The following ATP13A1 variants were observed in gnomAD, a reference collection of about 807,000 sequenced individuals.
ATP13A1 encodes the protein ATPase 13A1, also known as endoplasmic reticulum transmembrane helix translocase.
ATP13A1 carries 55 observed loss-of-function variants against 134.8 expected under a neutral mutation model. The observed-to-expected ratio is 0.41, with a 90% CI of 0.33 to 0.51. The LOEUF (loss-of-function observed/expected upper bound fraction) is 0.51, where lower values mean the gene tolerates loss of function less well. Among genes scored for constraint, ATP13A1 ranks in the 20% least tolerant of loss-of-function variants. The probability of loss-of-function intolerance (pLI) is 0.29; values close to 1 mark genes in which losing one functional copy is unlikely to be tolerated. For missense variants in ATP13A1, 1,389 were observed against 1,652.8 expected (o/e 0.84, Z 2.77); for synonymous variants, 775 against 725.1 (o/e 1.07, Z -1.10).
rs1249826410 is a variant in ATP13A1 at position 19,647,240 on chromosome 19, C to T, written c.2994G>A (p.Leu998=). The stretch of plus-strand genomic sequence containing the variant: ...GGTAGAGGACGCTCTGGCTGTAGGC[C>T]AGGATGAGGGCATTGAGCGCCAGGA... ...FKILALNALI[L]AYSQSVLYLE... The change falls in exon 22 of 26, where the codon CTG becomes CTA. Residue 998 remains leucine, a synonymous_variant. Transcript: ENST00000357324. The surrounding 1 kb of genome is among the most constrained non-coding windows in gnomAD (Gnocchi z 4.8). 9.9e-6 allele frequency: 16 copies of T among 1,613,918 alleles called. No homozygotes were observed. The highest frequency in any genetic ancestry group is 1.4e-5 in the Non-Finnish European group (16 of 1,179,878).
At chr19:19,663,135 T>C in intron 1 of ATP13A1, 136 bp downstream of exon 1, 2 of 1,291,160 alleles carry the variant, frequency 1.5e-6, no homozygotes, top group Non-Finnish European at 2.2e-6. Context: ...CGCCAAAGTG[T>C]AGAGGGTGCC....
At chr19:19,646,584 C>T (rs888981001) in intron 22 of ATP13A1, 3 of 576,612 alleles carry the variant, frequency 5.2e-6, no homozygotes, top group Non-Finnish European at 9.3e-6. Flanking sequence ...ATGGCAGCCA[C>T]AGGGGCCTGA....
In ATP13A1 at chr19:19,656,219, C is replaced by A. The variant is rs771455357; in HGVS notation, c.1084-36G>T. On this transcript the variant is annotated intron_variant, in intron 7 of 25. Transcript: ENST00000357324. This position sits in a 1 kb window ranked among gnomAD's most constrained non-coding sequence, Gnocchi z 4.6. Reference sequence around the variant, plus strand: ...AGATCGTGAATCTGGATGGCCAGGCCTACCTTGCTTCCTTCTCCATCTGAG... The same window carrying A: ...AGATCGTGAATCTGGATGGCCAGGCATACCTTGCTTCCTTCTCCATCTGAG... The A allele has an allele frequency of 2.7e-5, 43 of 1,569,454 alleles. No homozygotes were observed. The highest frequency in any genetic ancestry group is 3.3e-5 in the Non-Finnish European group (38 of 1,156,270).
chr19:19,656,712 C>T lies in ATP13A1; in HGVS notation c.1031G>A (p.Arg344His), dbSNP rs377597721. Residue 344 changes from arginine to histidine, a missense_variant, in exon 7 of 26, where the codon CGC (arginine) becomes CAC (histidine). This residue lies in a region of ATP13A1 where 747 missense variants were observed against 956.1 expected (regional missense o/e 0.78). Coordinates refer to ENST00000357324, the MANE Select transcript of ATP13A1 (RefSeq NM_020410.3). This position sits in a 1 kb window ranked among gnomAD's most constrained non-coding sequence, Gnocchi z 4.6. Reference sequence around the variant, plus strand: ...GAGCATGGCCTCGTCTACGATGCAGCGGCCTCGCAGCAGAAGCACGTCACA... The same window carrying T: ...GAGCATGGCCTCGTCTACGATGCAGTGGCCTCGCAGCAGAAGCACGTCACA... ...VPCDVLLLRG[R>H]CIVDEAMLTG... 2 of 1,613,764 alleles carry T rather than the reference C, an allele frequency of 1.2e-6. No homozygotes were observed. Among genetic ancestry groups the T allele is most frequent in the Non-Finnish European group, 1.7e-6 (2 of 1,179,872 alleles).
chr19:19,663,657 C>A lies in ATP13A1; in HGVS notation c.10G>T (p.Ala4Ser). The A allele has an allele frequency of 7.8e-7, 1 of 1,287,060 alleles. No homozygotes were observed. The highest frequency in any genetic ancestry group is 9.8e-7 in the Non-Finnish European group (1 of 1,019,692). 79.7% of individuals were successfully genotyped at this position (1,287,060 alleles called of 1,614,324 possible). A position where few individuals can be genotyped will look rare whatever the true frequency, so the allele number is the denominator to read the frequency against. MAAAAAVGNAVPCG... is the reference protein window; with the variant it reads MAASAAVGNAVPCG... ...GGCACCGCGTTGCCCACCGCCGCCGCTGCCGCCATCTTTCCTAGCGCCGCG... is the reference window on the plus strand; with the variant it reads ...GGCACCGCGTTGCCCACCGCCGCCGATGCCGCCATCTTTCCTAGCGCCGCG... The change falls in exon 1 of 26, where the codon GCG (alanine) becomes TCG (serine). Residue 4 changes from alanine (A) to serine (S), a missense_variant. This residue lies in a region of ATP13A1 where 293 missense variants were observed against 270.8 expected (regional missense o/e 1.08). Transcript: ENST00000357324.
rs754533497 is a variant in ATP13A1 at position 19,653,931 on chromosome 19, G to A, written c.1990-37C>T. ...GCAGGGGGATGTCACGGGCTGCCCCGCGCCCCCACCCCTTGCCCCAGGCTG... is the reference window on the plus strand; with the variant it reads ...GCAGGGGGATGTCACGGGCTGCCCCACGCCCCCACCCCTTGCCCCAGGCTG... On this transcript the variant is annotated intron_variant, in intron 14 of 25. Coordinates refer to ENST00000357324, the MANE Select transcript of ATP13A1 (RefSeq NM_020410.3). This position sits in a 1 kb window ranked among gnomAD's most constrained non-coding sequence, Gnocchi z 4.2. 8.9e-6 allele frequency: 14 copies of A among 1,571,508 alleles called. No homozygotes were observed. The highest frequency in any genetic ancestry group is 4.7e-5 in the South Asian group (4 of 85,680).
At chr19:19,654,407 T>C in intron 13 of ATP13A1, 136 bp downstream of exon 13, 2 of 1,195,888 alleles carry the variant, frequency 1.7e-6, no homozygotes, top group Non-Finnish European at 2.3e-6. Context: ...AGTGAGCCTC[T>C]GGCCACCCAC....
intron 3 of ATP13A1, among the ~76,000 whole-genome samples, chr19:19,658,120 G>A (rs7253515): frequency 0.043 from 5,889 of 137,480 alleles, 443 homozygotes; most frequent in African/African-American, 0.15. Flanking sequence ...CTGCACTCCA[G>A]CCTGGGTAAC....
chr19:19,646,523 CCT>C (rs1235054435), intron 22 of ATP13A1, 176 bp from the exon 23 acceptor site: 16 of 786,806 alleles, frequency 2.0e-5, no homozygotes, highest in East Asian at 5.4e-5. Flanking sequence ...GCCTCTCACC[CCT>C]GAGCCCAGGG....
chr19:19,655,486 C>A lies in ATP13A1; in HGVS notation c.1397-33G>T, dbSNP rs200719216. ...GACAGGGCCTGCCAACCTGGAGCCT[C>A]GGAGGGTGGGCGCAGGGGACCACAG... On this transcript the variant is annotated intron_variant, in intron 10 of 25. Transcript: ENST00000357324. The surrounding 1 kb of genome is among the most constrained non-coding windows in gnomAD (Gnocchi z 5.7). The A allele has an allele frequency of 6.2e-7, 1 of 1,613,896 alleles. No homozygotes were observed. The highest frequency in any genetic ancestry group is 1.1e-5 in the South Asian group (1 of 91,080).
At chr19:19,651,458 G>A (rs905002341) in intron 17 of ATP13A1, 11 of 423,004 alleles carry the variant, frequency 2.6e-5, no homozygotes, top group African/African-American at 2.0e-4. Context: ...TCAGACTATC[G>A]CCTCATTATG....
In ATP13A1 at chr19:19,647,040, T is replaced by G; in HGVS notation, c.3105+89A>C. The G allele has an allele frequency of 7.1e-7, 1 of 1,398,766 alleles. No individual in the cohort carries two copies. Among genetic ancestry groups the G allele is most frequent in the Non-Finnish European group, 9.7e-7 (1 of 1,033,198 alleles). The allele number at this position is 1,398,766 out of a possible 1,614,324, so 86.6% of individuals were successfully genotyped here. A position where few individuals can be genotyped will look rare whatever the true frequency, so the allele number is the denominator to read the frequency against. On this transcript the variant is annotated intron_variant, in intron 22 of 25. Transcript: ENST00000357324. The surrounding 1 kb of genome is among the most constrained non-coding windows in gnomAD (Gnocchi z 4.8). ...CCCATCTCTGGGGCCCTGGGTCCTG[T>G]AACTTGGGGATGACAATTCCCGTGC...
rs1239443391 is a variant in ATP13A1, at chr19:19,647,150, G to A, written c.3084C>T (p.Phe1028=). The A allele has an allele frequency of 2.4e-5, 38 of 1,613,038 alleles. No individual in the cohort carries two copies. The highest frequency in any genetic ancestry group is 3.2e-5 in the Non-Finnish European group (38 of 1,179,474). The change falls in exon 22 of 26, where the codon TTC becomes TTT. Residue 1028 remains phenylalanine, a synonymous_variant. Coordinates refer to ENST00000357324, the MANE Select transcript of ATP13A1 (RefSeq NM_020410.3). This position sits in a 1 kb window ranked among gnomAD's most constrained non-coding sequence, Gnocchi z 4.8. ...CCACCTTGGAACGGGAGATGAAGAG[G>A]AAGCAGCCGGCCAGCAGCAGCCCCT... ...TLQGLLLAGC[F]LFISRSKPLK...
intron 22 of ATP13A1, chr19:19,646,704 G>T: frequency 2.5e-6 from 1 of 398,524 alleles, no homozygotes; most frequent in Non-Finnish European, 4.7e-6. Context: ...GTCAGCCCAT[G>T]CCTGTTTGGG....
chr19:19,654,212 ACCCCGG>A, intron 13 of ATP13A1, 68 bp from the exon 14 acceptor site: 1 of 1,451,004 alleles, frequency 6.9e-7, no homozygotes, highest in Non-Finnish European at 9.3e-7. Flanking sequence ...CCTACCTCTC[ACCCCGG>A]CCTCCCCCAC....
Position 19,645,955 on chromosome 19 carries a change from C to T in ATP13A1, c.3279G>A (p.Glu1093=). ...KQEQFVDLYK[E]FEPSLVNSTV... is the part of the protein sequence containing the mutation. Reference sequence around the variant, plus strand: ...TGCTGTTGACCAGGCTTGGCTCAAACTCCTTGTACAAGTCCACGAACTGCT... The same window carrying T: ...TGCTGTTGACCAGGCTTGGCTCAAATTCCTTGTACAAGTCCACGAACTGCT... The change falls in exon 24 of 26, where the codon GAG becomes GAA. Residue 1093 remains glutamate (E), a synonymous_variant. Coordinates refer to ENST00000357324, the MANE Select transcript of ATP13A1 (RefSeq NM_020410.3). This position sits in a 1 kb window ranked among gnomAD's most constrained non-coding sequence, Gnocchi z 4.1. 6.2e-7 allele frequency: 1 copy of T among 1,613,310 alleles called. No homozygotes were observed. Among genetic ancestry groups the T allele is most frequent in the Non-Finnish European group, 8.5e-7 (1 of 1,179,884 alleles).
Position 19,656,860 on chromosome 19 carries a change from G to C in ATP13A1, c.963C>G (p.Asp321Glu). Reference protein sequence around the residue: ...PIASDEIVPGDIVSIGRSPQE... With the variant: ...PIASDEIVPGEIVSIGRSPQE... ...ACCCGGCCTCACCGATGGAGACGAT[G>C]TCCCCTGGTACGATCTCATCACTGG... The change falls in exon 6 of 26, where the codon GAC becomes GAG. Residue 321 changes from aspartate (D) to glutamate (E), a missense_variant. Physicochemically the swap from Asp to Glu is conservative, Grantham distance 45. Coordinates refer to ENST00000357324, the MANE Select transcript of ATP13A1 (RefSeq NM_020410.3). The surrounding 1 kb of genome is among the most constrained non-coding windows in gnomAD (Gnocchi z 4.6). The C allele has an allele frequency of 6.2e-7, 1 of 1,612,598 alleles. No homozygotes were observed.
At position 19,645,861 on chromosome 19, in the gene ATP13A1, G is replaced by A. The variant is rs1453775292; in HGVS notation, c.3360+13C>T. 6.2e-7 allele frequency: 1 copy of A among 1,613,546 alleles called. No homozygotes were observed. The highest frequency in any genetic ancestry group is 8.5e-7 in the Non-Finnish European group (1 of 1,179,734). The stretch of plus-strand genomic sequence containing the variant: ...GGCAGACAGTGAATGTTTGGGCAGG[G>A]CCCAGGCCTTACTTTGTAATTGATG... On this transcript the variant is annotated intron_variant, in intron 24 of 25. Transcript: ENST00000357324. This position sits in a 1 kb window ranked among gnomAD's most constrained non-coding sequence, Gnocchi z 4.1.
In ATP13A1 at chr19:19,654,027, G is replaced by A. The variant is rs753496543; in HGVS notation, c.1931C>T (p.Ser644Phe). 2 of 1,598,640 alleles carry A rather than the reference G, an allele frequency of 1.3e-6. No homozygotes were observed. Among genetic ancestry groups the A allele is most frequent in the East Asian group, 2.3e-5 (1 of 44,258 alleles). The change falls in exon 14 of 26, where the codon TCC (serine) becomes TTC (phenylalanine). Residue 644 changes from serine (S) to phenylalanine (F), a missense_variant. Transcript: ENST00000357324. ...SVLASYEKLG[S>F]TDLCYIAAVK... ...GGCCGCGATGTAGCAGAGGTCGGTG[G>A]AGCCCAGCTTCTCATACGAGGCAAG... is the stretch of plus-strand genomic sequence containing the variant.
Sources: gnomAD v4.1 joint callset for allele counts (sites outside exome capture counted in the v4.1 genomes callset) on GRCh38, gnomAD v4.1.1 for gene constraint, gnomAD v4.1.1 regional missense constraint, Gnocchi (gnomAD v3.1) non-coding constraint, MANE v1.5 for transcripts, NCBI Gene and HGNC (gene_info 2026-07-23, HGNC 2026-07-21) for gene names.